The following FSTL5 variants were observed in gnomAD, a reference collection of about 807,000 sequenced individuals.
The protein encoded by FSTL5 is follistatin like 5, also known as follistatin-related protein 5.
Under a neutral mutation model 89.1 loss-of-function variants are expected in FSTL5, and 62 were observed. The ratio of observed to expected loss-of-function variants is 0.70; its 90% CI spans 0.57 to 0.86. FSTL5 has a LOEUF of 0.86. Among genes scored for constraint, FSTL5 ranks in the 40% least tolerant of loss-of-function variants. FSTL5 has a pLI of 0.00. For missense variants in FSTL5, 1,057 were observed against 1,001.6 expected (o/e 1.06, Z -0.75); for synonymous variants, 383 against 346.2 (o/e 1.11, Z -1.18).
chr4:161,545,086 G>A (rs1436646537), intron 8 of FSTL5, among the ~76,000 whole-genome samples: 7 of 152,020 alleles, frequency 4.6e-5, no homozygotes, highest in African/African-American at 1.7e-4. Context: ...GATAATGACT[G>A]ATTCTGATTA....
Position 161,638,235 on chromosome 4 carries a change from G to A in FSTL5, c.894+18093C>T, listed in dbSNP as rs891489672. Among the ~76,000 whole-genome samples the A allele has an allele frequency of 1.4e-4, 21 of 151,562 alleles. 1 individual carries two copies. The highest frequency in any genetic ancestry group is 3.9e-4 in the East Asian group (2 of 5,132). ...TATTCTCTTTGAAGCAATTGTGAAC[G>A]GGAGTTCACTCATGATTTGGCTCTC... On this transcript the variant is annotated intron_variant, in intron 7 of 15. Transcript: ENST00000306100.
intron 6 of FSTL5, among the ~76,000 whole-genome samples, chr4:161,692,199 A>G (rs2126720422): frequency 6.6e-6 from 1 of 152,154 alleles, no homozygotes; most frequent in African/African-American, 2.4e-5. Context: ...ATTGAGTATG[A>G]TGTTAACTGT....
chr4:161,960,378 G>T (rs1327370937), intron 3 of FSTL5, among the ~76,000 whole-genome samples: 1 of 151,648 alleles, frequency 6.6e-6, no homozygotes, highest in African/African-American at 2.4e-5. Flanking sequence ...GCTTCACCAT[G>T]TTGGTCAGGC....
chr4:161,498,647 G>A (rs964728383), intron 12 of FSTL5, among the ~76,000 whole-genome samples: 5 of 152,230 alleles, frequency 3.3e-5, no homozygotes, highest in African/African-American at 9.6e-5. Context: ...GTAGAAATCA[G>A]AGAGAAACAC....
intron 4 of FSTL5, among the ~76,000 whole-genome samples, chr4:161,850,658 G>A (rs569364901): frequency 1.3e-5 from 2 of 152,218 alleles, no homozygotes; most frequent in African/African-American, 2.4e-5. Context: ...GGAGCTGGTT[G>A]TACATCACAT....
intron 3 of FSTL5, among the ~76,000 whole-genome samples, chr4:161,965,569 CT>C (rs1735298749): frequency 6.6e-6 from 1 of 151,986 alleles, no homozygotes; most frequent in African/African-American, 2.4e-5. Flanking sequence ...GTTTTCATGT[CT>C]AGTAGAAATG....
rs182031216 is a variant in FSTL5 at position 161,489,917 on chromosome 4, A to T, written c.1459-8748T>A. Reference sequence around the variant, plus strand: ...ATGGCTGCAGGAATTAAAATGCAGAATTTTTTTTGTACTTCAGTCCTATCT... The same window carrying T: ...ATGGCTGCAGGAATTAAAATGCAGATTTTTTTTTGTACTTCAGTCCTATCT... On this transcript the variant is annotated intron_variant, in intron 12 of 15. Coordinates refer to ENST00000306100, the MANE Select transcript of FSTL5 (RefSeq NM_020116.5). Among the ~76,000 whole-genome samples the T allele has an allele frequency of 4.4e-3, 664 of 151,854 alleles. 9 individuals carry two copies. Among genetic ancestry groups the T allele is most frequent in the African/African-American group, 0.015 (615 of 41,454 alleles).
intron 4 of FSTL5, among the ~76,000 whole-genome samples, chr4:161,799,043 G>T (rs925382278): frequency 1.3e-5 from 2 of 151,626 alleles, no homozygotes; most frequent in African/African-American, 4.8e-5. Context: ...TTAAATGATT[G>T]CTCACAGTTA....
chr4:161,793,995 G>A (rs1029147546), intron 4 of FSTL5, among the ~76,000 whole-genome samples: 2 of 152,084 alleles, frequency 1.3e-5, no homozygotes, highest in Non-Finnish European at 2.9e-5. Flanking sequence ...TAGTGAGAGT[G>A]GTCAGGAAAG....
At chr4:162,162,588 AG>A (rs1431101639) in intron 1 of FSTL5, among the ~76,000 whole-genome samples, 1 of 152,220 alleles carries the variant, frequency 6.6e-6, no homozygotes, top group Admixed American at 6.5e-5. Flanking sequence ...AAATACAAAG[AG>A]CACAGGATAA....
intron 6 of FSTL5, among the ~76,000 whole-genome samples, chr4:161,706,420 G>A (rs1204995524): frequency 6.6e-6 from 1 of 151,894 alleles, no homozygotes; most frequent in African/African-American, 2.4e-5. Flanking sequence ...TTCTTATTGA[G>A]AATAGAGTTT....
At chr4:161,814,387 G>A (rs140521604) in intron 4 of FSTL5, among the ~76,000 whole-genome samples, 12 of 152,254 alleles carry the variant, frequency 7.9e-5, no homozygotes, top group African/African-American at 2.6e-4. Flanking sequence ...AAACTGCCCT[G>A]AAAAGGAATT....
intron 3 of FSTL5, among the ~76,000 whole-genome samples, chr4:161,929,384 A>G (rs2110888793): frequency 6.6e-6 from 1 of 151,610 alleles, no homozygotes; most frequent in Non-Finnish European, 1.5e-5. Flanking sequence ...TAAAGTACAT[A>G]TTGAAGTCAG....
At chr4:162,119,107 A>G (rs971660094) in intron 1 of FSTL5, among the ~76,000 whole-genome samples, 1 of 152,124 alleles carries the variant, frequency 6.6e-6, no homozygotes, top group Non-Finnish European at 1.5e-5. Context: ...CTATAGTCGT[A>G]GCTACTCTAC....
chr4:161,510,478 T>C, intron 10 of FSTL5, 54 bp from the exon 11 acceptor site: 1 of 1,019,188 alleles, frequency 9.8e-7, no homozygotes, highest in Non-Finnish European at 1.4e-6. Context: ...AAGAGAGCTT[T>C]TGCTATATGG....
intron 2 of FSTL5, among the ~76,000 whole-genome samples, chr4:162,078,767 A>G (rs1444199534): frequency 1.3e-5 from 2 of 151,798 alleles, no homozygotes; most frequent in Admixed American, 6.6e-5. Flanking sequence ...GAAACTGACT[A>G]TGAGTGTCAA....
rs1352006086 is a variant in FSTL5, at chr4:161,528,923, TCAGTC to T, written c.1312+9238_1312+9242del. Among the ~76,000 whole-genome samples, 4 of 142,472 alleles carry T rather than the reference TCAGTC, an allele frequency of 2.8e-5. 1 individual carries two copies. In the East Asian group the frequency reaches 9.6e-4, roughly 34 times the overall value. 93.5% of individuals were successfully genotyped at this position (142,472 alleles called of 152,430 possible). The stretch of plus-strand genomic sequence containing the variant: ...CACTGTCACTATATGTTAAGTGTAT[TCAGTC>T]CACATGCCTAAAGTCATATAAATAA... On this transcript the variant is annotated intron_variant, in intron 10 of 15. Transcript: ENST00000306100.
At chr4:161,765,775 G>C (rs1740971331) in intron 5 of FSTL5, among the ~76,000 whole-genome samples, 1 of 151,796 alleles carries the variant, frequency 6.6e-6, no homozygotes, top group African/African-American at 2.4e-5. Flanking sequence ...GTTTATATAA[G>C]GGAAGTATTT....
rs191785087 is a variant in FSTL5, at chr4:161,734,319, A to G, written c.727+25092T>C. ...AATATTTTCAAAGGAGTTCTAGCTTATATAATTTACAATTGAGACACGTAA... is the reference window on the plus strand; with the variant it reads ...AATATTTTCAAAGGAGTTCTAGCTTGTATAATTTACAATTGAGACACGTAA... On this transcript the variant is annotated intron_variant, in intron 6 of 15. Coordinates refer to ENST00000306100, the MANE Select transcript of FSTL5 (RefSeq NM_020116.5). Among the ~76,000 whole-genome samples the G allele has an allele frequency of 3.3e-5, 5 of 152,308 alleles. No homozygotes were observed. In the East Asian group the frequency reaches 9.6e-4, roughly 29 times the overall value.
Sources: gnomAD v4.1 joint callset for allele counts (sites outside exome capture counted in the v4.1 genomes callset) on GRCh38, gnomAD v4.1.1 for gene constraint, MANE v1.5 for transcripts, NCBI Gene and HGNC (gene_info 2026-07-23, HGNC 2026-07-21) for gene names.